PCDHGB2: variants seen among roughly 807,000 people sequenced by gnomAD.
The protein encoded by PCDHGB2 is protocadherin gamma-B2.
A neutral mutation model predicts 59.3 loss-of-function variants in PCDHGB2; 55 were observed. The ratio of observed to expected loss-of-function variants is 0.93; its 90% CI spans 0.75 to 1.16. The LOEUF is 1.16. Ranked by LOEUF, PCDHGB2 falls within the 50% of genes most tolerant of loss-of-function variation. The pLI is 0.00. For synonymous variants in PCDHGB2, 516 were observed against 512.0 expected, an observed-to-expected ratio of 1.01 and a Z score of -0.11; for missense variants, 1,228 against 1,198.5, an observed-to-expected ratio of 1.02 and a Z score of -0.36.
At chr5:141,365,613 G>T in intron 1 of PCDHGB2, 1 of 1,613,548 alleles carries the variant, frequency 6.2e-7, no homozygotes, top group East Asian at 2.2e-5. Flanking sequence ...ATGGACCATG[G>T]AACCCCGCCC....
chr5:141,391,775 A>T (rs996921581), intron 1 of PCDHGB2: 1 of 152,210 alleles, frequency 6.6e-6, no homozygotes, highest in Non-Finnish European at 1.5e-5. Flanking sequence ...TTATATAGTC[A>T]TTACTTTTTG....
intron 1 of PCDHGB2, chr5:141,364,471 C>T (rs1307954673): frequency 3.1e-6 from 5 of 1,613,918 alleles, no homozygotes; most frequent in Non-Finnish European, 4.2e-6. Context: ...TCGTCGGCAA[C>T]ATAGCCAAGG....
chr5:141,439,176 T>C (rs1044289122), intron 1 of PCDHGB2, among the ~76,000 whole-genome samples: 3 of 146,068 alleles, frequency 2.1e-5, no homozygotes, highest in African/African-American at 7.8e-5. Context: ...CTGGGCGACA[T>C]AGTGAGACTC....
chr5:141,401,158 A>AT (rs1314149261), intron 1 of PCDHGB2, among the ~76,000 whole-genome samples: 1 of 152,194 alleles, frequency 6.6e-6, no homozygotes, highest in Non-Finnish European at 1.5e-5. Context: ...CCTGGGCAAT[A>AT]TGGTGAAAAC....
At chr5:141,495,209 C>T (rs548415564) in intron 2 of PCDHGB2, among the ~76,000 whole-genome samples, 1 of 152,342 alleles carries the variant, frequency 6.6e-6, no homozygotes, top group Admixed American at 6.5e-5. Flanking sequence ...GCCTAACCCC[C>T]TCCCCTGAGT....
chr5:141,388,922 A>G (rs761599135), intron 1 of PCDHGB2: 1 of 1,614,046 alleles, frequency 6.2e-7, no homozygotes, highest in Non-Finnish European at 8.5e-7. Context: ...CAGAAGTGAT[A>G]TTCCAGTCTC....
Position 141,510,977 on chromosome 5 carries a change from G to T in PCDHGB2, c.2600G>T (p.Gly867Val). 1.2e-6 allele frequency: 2 copies of T among 1,614,170 alleles called. No individual in the cohort carries two copies. Among genetic ancestry groups the T allele is most frequent in the Non-Finnish European group, 1.7e-6 (2 of 1,180,020 alleles). The change falls in exon 4 of 4, where the codon GGG becomes GTG. Residue 867 changes from glycine to valine, a missense_variant. Physicochemically the swap from Gly to Val is moderately radical, Grantham distance 109. Around this residue, in one of 3 missense-constraint regions of PCDHGB2, gnomAD observed 433 missense variants for 441.8 expected, o/e 0.98. Transcript: ENST00000522605. ...GCTGATGGGAGCTCCACCCTGGGAG[G>T]GGGTGCCGGCACCATGGGATTGAGC... ...EAADGSSTLG[G>V]GAGTMGLSAR...
chr5:141,389,208 G>A (rs762367131), intron 1 of PCDHGB2: 7 of 1,613,930 alleles, frequency 4.3e-6, no homozygotes, highest in Non-Finnish European at 5.9e-6. Context: ...GCACATTGGT[G>A]ATGTAAATGA....
Position 141,370,908 on chromosome 5 carries a change from C to G in PCDHGB2, c.2421+8352C>G, listed in dbSNP as rs372602970. ...TGTCAATTCGCTGCAGCAGTACTACCTCAGCCCTGATCCGCACTTCTCTTT... is the reference window on the plus strand; with the variant it reads ...TGTCAATTCGCTGCAGCAGTACTACGTCAGCCCTGATCCGCACTTCTCTTT... On this transcript the variant is annotated intron_variant, in intron 1 of 3. Transcript: ENST00000522605. 2.5e-6 allele frequency: 4 copies of G among 1,614,028 alleles called. No homozygotes were observed. The Admixed American group carries it at 6.7e-5, about 27-fold the overall frequency.
chr5:141,478,246 C>T (rs1305046488), intron 1 of PCDHGB2: 1 of 1,614,100 alleles, frequency 6.2e-7, no homozygotes, highest in Admixed American at 1.7e-5. Context: ...TCACAGTGTT[C>T]GGAGTAATCA....
intron 1 of PCDHGB2, chr5:141,409,515 T>C (rs1273041163): frequency 5.0e-6 from 8 of 1,613,844 alleles, no homozygotes; most frequent in Non-Finnish European, 6.8e-6. Context: ...AGTAGAAGCA[T>C]CACCTTGTAT....
intron 1 of PCDHGB2, chr5:141,430,973 A>G: frequency 6.2e-7 from 1 of 1,613,266 alleles, no homozygotes; most frequent in East Asian, 2.2e-5. Flanking sequence ...CAGAGGTAGG[A>G]CGCAGCTTTT....
intron 1 of PCDHGB2, among the ~76,000 whole-genome samples, chr5:141,452,674 G>A (rs2098746885): frequency 6.6e-6 from 1 of 151,936 alleles, no homozygotes; most frequent in Non-Finnish European, 1.5e-5. Context: ...TCCAGCCTAG[G>A]CCACAGAATG....
At chr5:141,488,070 C>A (rs777154469) in intron 1 of PCDHGB2, among the ~76,000 whole-genome samples, 3 of 152,076 alleles carry the variant, frequency 2.0e-5, no homozygotes, top group Non-Finnish European at 1.5e-5. Context: ...TCTTTGTCTC[C>A]CAGTATCTAG....
chr5:141,389,147 G>A (rs530113846), intron 1 of PCDHGB2: 2 of 1,613,986 alleles, frequency 1.2e-6, no homozygotes, highest in South Asian at 1.1e-5. Flanking sequence ...TAACCGTTAC[G>A]GCAACAGATC....
intron 1 of PCDHGB2, chr5:141,410,663 T>C (rs2095415377): frequency 6.4e-7 from 1 of 1,570,102 alleles, no homozygotes; most frequent in Non-Finnish European, 8.6e-7. Flanking sequence ...AATAGTCTAC[T>C]AGTTTCTCAT....
At chr5:141,373,976 G>A in intron 1 of PCDHGB2, 3 of 1,066,504 alleles carry the variant, frequency 2.8e-6, no homozygotes, top group South Asian at 2.6e-5. Context: ...CTTCGCATCC[G>A]GTCTCTGCTT....
At chr5:141,425,491 C>G (rs1243033082) in intron 1 of PCDHGB2, among the ~76,000 whole-genome samples, 1 of 152,200 alleles carries the variant, frequency 6.6e-6, no homozygotes, top group Non-Finnish European at 1.5e-5. Context: ...ACCTACTAGG[C>G]TATACCTTTA....
intron 1 of PCDHGB2, chr5:141,399,277 G>T: frequency 6.2e-7 from 1 of 1,613,890 alleles, no homozygotes; most frequent in Non-Finnish European, 8.5e-7. Flanking sequence ...TCAATTACAA[G>T]GCGAAGTCCC....
Sources: allele counts gnomAD v4.1 joint callset (sites outside exome capture counted in the v4.1 genomes callset), GRCh38; gene constraint gnomAD v4.1.1; regional missense constraint gnomAD v4.1.1; transcripts MANE v1.5; gene names NCBI Gene and HGNC (gene_info 2026-07-23, HGNC 2026-07-21).